Variants in RFX2 observed in about 807,000 individuals in gnomAD.
RFX2 encodes the protein DNA-binding protein RFX2.
Under a neutral mutation model 87.8 loss-of-function variants are expected in RFX2, and 20 were observed. The ratio of observed to expected loss-of-function variants is 0.23; its 90% CI spans 0.16 to 0.33. The LOEUF (loss-of-function observed/expected upper bound fraction) is 0.33, where lower values mean the gene tolerates loss of function less well. RFX2 is among the 10% of genes least tolerant of loss of function. The pLI is 1.00. For synonymous variants in RFX2, 397 were observed against 431.3 expected (o/e 0.92, Z 0.98); for missense variants, 767 against 1,012.3 (o/e 0.76, Z 3.29).
intron 1 of RFX2, among the ~76,000 whole-genome samples, chr19:6,058,059 C>G (rs920280645): frequency 1.3e-5 from 2 of 152,196 alleles, no homozygotes; most frequent in African/African-American, 4.8e-5. Flanking sequence ...AGGATTACTC[C>G]CTGTGGACCC....
Position 6,056,077 on chromosome 19 carries a change from G to A in RFX2, c.-8-8573C>T, listed in dbSNP as rs149437645. On this transcript the variant is annotated intron_variant, in intron 1 of 17. Coordinates refer to ENST00000303657, the MANE Select transcript of RFX2 (RefSeq NM_000635.4). The surrounding 1 kb of genome is among the most constrained non-coding windows in gnomAD (Gnocchi z 4.6). The stretch of plus-strand genomic sequence containing the variant: ...GAAAGGGACAGGAGGGGACACTCCA[G>A]TGAGATGGACGCATTCTGTATGATA... Among the ~76,000 whole-genome samples the A allele has an allele frequency of 7.2e-5, 11 of 152,308 alleles. No individual in the cohort carries two copies. Among genetic ancestry groups the A allele is most frequent in the Non-Finnish European group, 1.3e-4 (9 of 68,026 alleles).
chr19:6,067,235 T>A (rs2087527521), intron 1 of RFX2, among the ~76,000 whole-genome samples: 1 of 152,146 alleles, frequency 6.6e-6, no homozygotes. Flanking sequence ...GTAAAATGAA[T>A]CATGGATTAA....
chr19:6,092,443 G>C (rs560387847), intron 1 of RFX2, among the ~76,000 whole-genome samples: 10 of 152,308 alleles, frequency 6.6e-5, no homozygotes, highest in African/African-American at 2.4e-4. Context: ...AGAAGAACGA[G>C]TGCTCTGCTG....
chr19:6,023,636 C>T lies in RFX2; in HGVS notation c.597+2527G>A, dbSNP rs539125247. On this transcript the variant is annotated intron_variant, in intron 6 of 17. Transcript: ENST00000303657. The surrounding 1 kb of genome is among the most constrained non-coding windows in gnomAD (Gnocchi z 4.9). ...GCGAATCATCAGTGAGTAAAAGAAA[C>T]GAGAGATTTTACCTTCAGCTCGGGA... 8.5e-5 allele frequency among the ~76,000 whole-genome samples: 13 copies of T among 152,212 alleles called. No homozygotes were observed. The highest frequency in any genetic ancestry group is 2.6e-4 in the African/African-American group (11 of 41,518).
rs953839059 is a variant in RFX2, at chr19:6,040,717, C to T, written c.261-476G>A. ...GAGGTTACAGTGAGCTGTGACTGCA[C>T]CATTGCACTTTAGCCTGGGCAACAG... is the stretch of plus-strand genomic sequence containing the variant. On this transcript the variant is annotated intron_variant, in intron 4 of 17. Transcript: ENST00000303657. This position sits in a 1 kb window ranked among gnomAD's most constrained non-coding sequence, Gnocchi z 6.1. Among the ~76,000 whole-genome samples the T allele has an allele frequency of 3.3e-5, 5 of 152,102 alleles. No individual in the cohort carries two copies. Among genetic ancestry groups the T allele is most frequent in the Admixed American group, 2.6e-4 (4 of 15,270 alleles).
Position 6,012,945 on chromosome 19 carries a change from C to T in RFX2, c.899+41G>A. ...GAGAAACACCCACCCCTCCATGCTC[C>T]AGGGGAGAGCCAGCTCCTCCCAGCT... On this transcript the variant is annotated intron_variant, in intron 8 of 17. Coordinates refer to ENST00000303657, the MANE Select transcript of RFX2 (RefSeq NM_000635.4). This position sits in a 1 kb window ranked among gnomAD's most constrained non-coding sequence, Gnocchi z 4.6. 6.8e-7 allele frequency: 1 copy of T among 1,473,984 alleles called. No individual in the cohort carries two copies. 91.3% of individuals were successfully genotyped at this position (1,473,984 alleles called of 1,614,324 possible).
chr19:6,045,045 G>A lies in RFX2; in HGVS notation c.91-763C>T, dbSNP rs946378197. On this transcript the variant is annotated intron_variant, in intron 2 of 17. Transcript: ENST00000303657. The surrounding 1 kb of genome is among the most constrained non-coding windows in gnomAD (Gnocchi z 5.2). Reference sequence around the variant, plus strand: ...GTTTTGTGTGTTTATTGAGAGCTGGGGCTTTCGGAGTCATTGGCTGCAGTG... The same window carrying A: ...GTTTTGTGTGTTTATTGAGAGCTGGAGCTTTCGGAGTCATTGGCTGCAGTG... Among the ~76,000 whole-genome samples, 3 of 152,216 alleles carry A rather than the reference G, an allele frequency of 2.0e-5. No individual in the cohort carries two copies. The highest frequency in any genetic ancestry group is 2.9e-5 in the Non-Finnish European group (2 of 68,040).
Position 6,004,192 on chromosome 19 carries a change from C to T in RFX2, c.1500+9G>A, listed in dbSNP as rs201931882. On this transcript the variant is annotated intron_variant, in intron 13 of 17. Coordinates refer to ENST00000303657, the MANE Select transcript of RFX2 (RefSeq NM_000635.4). This position sits in a 1 kb window ranked among gnomAD's most constrained non-coding sequence, Gnocchi z 4.8. ...TCGTTGGGGAGCCCAGGCCCCACCC[C>T]GGACGCACCTTGGTCTGGATGACCT... 37 of 1,610,664 alleles carry T rather than the reference C, an allele frequency of 2.3e-5. No individual in the cohort carries two copies. Among genetic ancestry groups the T allele is most frequent in the South Asian group, 6.6e-5 (6 of 90,992 alleles).
In RFX2 at chr19:6,001,742, C is replaced by A; in HGVS notation, c.1859+73G>T. ...TTTGCTCTGAGCTCACCAGCCGAGC[C>A]CCCTACCCTCTAGAAGTTTCTCTCA... On this transcript the variant is annotated intron_variant, in intron 15 of 17. Coordinates refer to ENST00000303657, the MANE Select transcript of RFX2 (RefSeq NM_000635.4). This position sits in a 1 kb window ranked among gnomAD's most constrained non-coding sequence, Gnocchi z 5.6. 2 of 1,358,048 alleles carry A rather than the reference C, an allele frequency of 1.5e-6. No homozygotes were observed. Among genetic ancestry groups the A allele is most frequent in the South Asian group, 1.3e-5 (1 of 74,102 alleles). 84.1% of individuals were successfully genotyped at this position (1,358,048 alleles called of 1,614,324 possible).
chr19:6,104,496 G>A (rs920894430), intron 1 of RFX2, among the ~76,000 whole-genome samples: 2 of 151,574 alleles, frequency 1.3e-5, no homozygotes, highest in African/African-American at 4.9e-5. Context: ...CTGAACCTGG[G>A]AGGTGGAGCT....
In RFX2 at chr19:6,007,182, G is replaced by A. The variant is rs762445176; in HGVS notation, c.1248-16C>T. The A allele has an allele frequency of 1.2e-6, 2 of 1,611,020 alleles. No homozygotes were observed. Among genetic ancestry groups the A allele is most frequent in the Non-Finnish European group, 1.7e-6 (2 of 1,178,686 alleles). On this transcript the variant is annotated splice_polypyrimidine_tract_variant and intron_variant, in intron 11 of 17. Coordinates refer to ENST00000303657, the MANE Select transcript of RFX2 (RefSeq NM_000635.4). This position sits in a 1 kb window ranked among gnomAD's most constrained non-coding sequence, Gnocchi z 8.2. ...GTCTTCGTCACTGTGGAGGGAGGGG[G>A]GACAGGTGAGCTGTGGCCTGGCCCA...
chr19:6,006,251 CTT>C (rs894570469), intron 12 of RFX2, among the ~76,000 whole-genome samples: 1 of 152,122 alleles, frequency 6.6e-6, no homozygotes, highest in African/African-American at 2.4e-5. Context: ...GCCTCGACCT[CTT>C]GGGCTCAGGT....
At chr19:6,079,937 C>T (rs2087754559) in intron 1 of RFX2, among the ~76,000 whole-genome samples, 1 of 147,084 alleles carries the variant, frequency 6.8e-6, no homozygotes, top group Non-Finnish European at 1.5e-5. Context: ...AACAGCAAAC[C>T]TAAAAAGGCA....
chr19:6,069,128 G>T (rs929618742), intron 1 of RFX2, among the ~76,000 whole-genome samples: 2 of 152,168 alleles, frequency 1.3e-5, no homozygotes, highest in Non-Finnish European at 2.9e-5. Context: ...AGTGTGAGAG[G>T]CTCCTAGACA....
rs2086554232 is a variant in RFX2, at chr19:6,004,734, T to C, written c.1403-436A>G. On this transcript the variant is annotated intron_variant, in intron 12 of 17. Coordinates refer to ENST00000303657, the MANE Select transcript of RFX2 (RefSeq NM_000635.4). The surrounding 1 kb of genome is among the most constrained non-coding windows in gnomAD (Gnocchi z 4.8). ...ACACAAACACACACACACACGTAAA[T>C]ACATTCTACCAACTTCCTAATTTAT... Among the ~76,000 whole-genome samples, 1 of 151,368 alleles carries C rather than the reference T, an allele frequency of 6.6e-6. No homozygotes were observed. The highest frequency in any genetic ancestry group is 2.4e-5 in the African/African-American group (1 of 41,208).
intron 5 of RFX2, among the ~76,000 whole-genome samples, chr19:6,029,521 C>T (rs1224181163): frequency 6.6e-6 from 1 of 151,962 alleles, no homozygotes; most frequent in Non-Finnish European, 1.5e-5. Context: ...CCAGCCTGGC[C>T]AACATGGTGA....
rs779165901 is a variant in RFX2, at chr19:6,002,013, G to A, written c.1661C>T (p.Ser554Leu). 10 of 1,608,046 alleles carry A rather than the reference G, an allele frequency of 6.2e-6. No individual in the cohort carries two copies. The Admixed American group carries it at 8.3e-5, about 13-fold the overall frequency. The change falls in exon 15 of 18, where the codon TCG (serine) becomes TTG (leucine). Residue 554 changes from serine to leucine, a missense_variant. Transcript: ENST00000303657. This position sits in a 1 kb window ranked among gnomAD's most constrained non-coding sequence, Gnocchi z 6.7. ...ACTCTCCTCGCACTGGCACACCCAC[G>A]AGGCCTGCTCCTGTGGGCAGGGCAG... Reference protein sequence around the residue: ...VDFANVQEQASWVCQCEESVV... With the variant: ...VDFANVQEQALWVCQCEESVV...
At chr19:6,000,132 CCA>C (rs554085243) in intron 15 of RFX2, among the ~76,000 whole-genome samples, 208 of 152,098 alleles carry the variant, frequency 1.4e-3, no homozygotes, top group African/African-American at 4.8e-3. Context: ...TTTCAGGTGC[CCA>C]CCACCACGCC....
At position 6,045,837 on chromosome 19, in the gene RFX2, AATTT is replaced by A. The variant is rs2087182031; in HGVS notation, c.91-1559_91-1556del. On this transcript the variant is annotated intron_variant, in intron 2 of 17. Coordinates refer to ENST00000303657, the MANE Select transcript of RFX2 (RefSeq NM_000635.4). This position sits in a 1 kb window ranked among gnomAD's most constrained non-coding sequence, Gnocchi z 5.2. Reference sequence around the variant, plus strand: ...CAAGCATGTGCCACAATGCTCGGCTAATTTATTATTATTATTATTTTTTGTATTT... The same window carrying A: ...CAAGCATGTGCCACAATGCTCGGCTAATTATTATTATTATTTTTTGTATTT... Among the ~76,000 whole-genome samples, 1 of 151,602 alleles carries A rather than the reference AATTT, an allele frequency of 6.6e-6. No homozygotes were observed. Among genetic ancestry groups the A allele is most frequent in the South Asian group, 2.1e-4 (1 of 4,784 alleles).
Sources: allele counts gnomAD v4.1 joint callset (sites outside exome capture counted in the v4.1 genomes callset), GRCh38; gene constraint gnomAD v4.1.1; non-coding constraint Gnocchi (gnomAD v3.1); transcripts MANE v1.5; gene names NCBI Gene and HGNC (gene_info 2026-07-23, HGNC 2026-07-21).